PDCL2: variants seen among roughly 807,000 people sequenced by gnomAD.
PDCL2 encodes phosducin like 2, also known as phosducin-like protein 2.
A neutral mutation model predicts 30.3 loss-of-function variants in PDCL2; 23 were observed. The ratio of observed to expected loss-of-function variants is 0.76; its 90% CI spans 0.55 to 1.08. The LOEUF is 1.08. Among genes scored for constraint, PDCL2 ranks in the 50% least tolerant of loss-of-function variants. The pLI is 0.00. For missense variants in PDCL2, 243 were observed against 282.3 expected, an observed-to-expected ratio of 0.86 and a Z score of 1.00; for synonymous variants, 68 against 86.2, an observed-to-expected ratio of 0.79 and a Z score of 1.17.
At chr4:55,568,761 AG>A (rs1732333778) in intron 4 of PDCL2, among the ~76,000 whole-genome samples, 1 of 152,216 alleles carries the variant, frequency 6.6e-6, no homozygotes, top group South Asian at 2.1e-4. Flanking sequence ...TGTCTCTACC[AG>A]GAAGGGCAGG....
At chr4:55,590,497 T>TC (rs992715509) in intron 1 of PDCL2, among the ~76,000 whole-genome samples, 3 of 148,684 alleles carry the variant, frequency 2.0e-5, no homozygotes, top group African/African-American at 5.0e-5. Flanking sequence ...ATGAATTTTT[T>TC]CCCCCCCGAG....
chr4:55,588,008 T>C (rs74976553), intron 1 of PDCL2, among the ~76,000 whole-genome samples: 3,960 of 152,336 alleles, frequency 0.026, 185 homozygotes, highest in African/African-American at 0.09. Flanking sequence ...ATCTATCTTA[T>C]GTTTCCTTTT....
intron 1 of PDCL2, among the ~76,000 whole-genome samples, chr4:55,585,688 T>C (rs768070737): frequency 1.3e-5 from 2 of 152,234 alleles, no homozygotes; most frequent in Non-Finnish European, 2.9e-5. Context: ...TTTTCGTTGA[T>C]GGGAGCCTTT....
At chr4:55,591,517 G>T (rs534247463) in intron 1 of PDCL2, among the ~76,000 whole-genome samples, 31 of 152,318 alleles carry the variant, frequency 2.0e-4, no homozygotes, top group African/African-American at 7.5e-4. Flanking sequence ...CTCCCAGGTA[G>T]CTGGGGCTAC....
chr4:55,558,210 A>G (rs957839697), intron 5 of PDCL2, among the ~76,000 whole-genome samples: 1 of 152,076 alleles, frequency 6.6e-6, no homozygotes, highest in African/African-American at 2.4e-5. Flanking sequence ...AAGTAGACAC[A>G]TTCCTGATAT....
rs572298958 is a variant in PDCL2 at position 55,559,535 on chromosome 4, A to G, written c.572-2824T>C. Among the ~76,000 whole-genome samples the G allele has an allele frequency of 1.8e-4, 28 of 152,378 alleles. No homozygotes were observed. In the South Asian group the frequency reaches 5.8e-3, roughly 32 times the overall value. On this transcript the variant is annotated intron_variant, in intron 5 of 5. Transcript: ENST00000295645. ...TTTATTAAATACTTTCAATTTTGCA[A>G]TTAATTATTCCTTCTATTTCTATAG...
intron 2 of PDCL2, among the ~76,000 whole-genome samples, chr4:55,581,727 T>C (rs1177620417): frequency 6.6e-6 from 1 of 152,216 alleles, no homozygotes; most frequent in Non-Finnish European, 1.5e-5. Context: ...AGATGGAGTC[T>C]TGCTCTGTTG....
intron 1 of PDCL2, among the ~76,000 whole-genome samples, chr4:55,585,217 G>A (rs115663684): frequency 0.026 from 3,938 of 152,144 alleles, 179 homozygotes; most frequent in African/African-American, 0.09. Flanking sequence ...TGATGTCAAG[G>A]TAATGCTGAT....
intron 4 of PDCL2, among the ~76,000 whole-genome samples, chr4:55,567,523 G>A (rs1732301188): frequency 6.6e-6 from 1 of 152,176 alleles, no homozygotes; most frequent in South Asian, 2.1e-4. Context: ...GAAACACAGT[G>A]AGACCCTGTA....
chr4:55,564,595 A>G (rs1732214162), intron 4 of PDCL2, among the ~76,000 whole-genome samples: 1 of 152,216 alleles, frequency 6.6e-6, no homozygotes, highest in East Asian at 1.9e-4. Flanking sequence ...GGTAAGATTA[A>G]ATAAAACCAG....
rs184050716 is a variant in PDCL2 at position 55,579,414 on chromosome 4, C to T, written c.218+1407G>A. 2.0e-5 allele frequency among the ~76,000 whole-genome samples: 3 copies of T among 152,238 alleles called. No homozygotes were observed. In the East Asian group the frequency reaches 5.8e-4, roughly 30 times the overall value. On this transcript the variant is annotated intron_variant, in intron 3 of 5. Transcript: ENST00000295645. ...GCACGATCTTGGCTCACTGCAACCT[C>T]CACCTCCCAGGTTCAGCGATTCTCC...
At chr4:55,587,244 A>C (rs900421567) in intron 1 of PDCL2, among the ~76,000 whole-genome samples, 4 of 137,374 alleles carry the variant, frequency 2.9e-5, no homozygotes, top group Non-Finnish European at 6.4e-5. Flanking sequence ...AAAAAAAAAA[A>C]AAGGGACATA....
intron 4 of PDCL2, among the ~76,000 whole-genome samples, chr4:55,565,993 T>TC (rs1472135651): frequency 7.2e-6 from 1 of 139,762 alleles, no homozygotes; most frequent in African/African-American, 2.8e-5. Context: ...TTTTTTTTTT[T>TC]TTTTTGAGAT....
intron 3 of PDCL2, among the ~76,000 whole-genome samples, chr4:55,577,582 AC>A (rs1732604329): frequency 6.6e-6 from 1 of 152,210 alleles, no homozygotes; most frequent in African/African-American, 2.4e-5. Flanking sequence ...TCATAAGCAT[AC>A]CAAAGGTACT....
In PDCL2 at chr4:55,569,774, A is replaced by C; in HGVS notation, c.306T>G (p.Asn102Lys). 6.4e-7 allele frequency: 1 copy of C among 1,566,544 alleles called. No homozygotes were observed. The highest frequency in any genetic ancestry group is 1.2e-5 in the South Asian group (1 of 85,016). The change falls in exon 4 of 6, where the codon AAT becomes AAG. Residue 102 changes from asparagine (N) to lysine (K), a missense_variant. By Grantham distance (94) the Asn-to-Lys change is moderately conservative. Coordinates refer to ENST00000295645, the MANE Select transcript of PDCL2 (RefSeq NM_152401.3). Reference protein sequence around the residue: ...LREISGNQYVNEVTNAEEDVW... With the variant: ...LREISGNQYVKEVTNAEEDVW... ...CATCTTCTTCTGCATTTGTGACTTC[A>C]TTCACATACTGATTTCCAGAAATTT...
At chr4:55,565,973 GTTTTTTTTT>G (rs71194595) in intron 4 of PDCL2, among the ~76,000 whole-genome samples, 26 of 74,500 alleles carry the variant, frequency 3.5e-4, no homozygotes, top group East Asian at 1.4e-3. Context: ...CCATTTTTCT[GTTTTTTTTT>G]TTTTTTTTTT....
At chr4:55,559,412 G>A (rs755285385) in intron 5 of PDCL2, among the ~76,000 whole-genome samples, 1 of 152,182 alleles carries the variant, frequency 6.6e-6, no homozygotes, top group Admixed American at 6.5e-5. Flanking sequence ...AGGAGATAAA[G>A]TTATTGAATC....
chr4:55,577,890 T>TG (rs1319423960), intron 3 of PDCL2, among the ~76,000 whole-genome samples: 1 of 152,224 alleles, frequency 6.6e-6, no homozygotes, highest in East Asian at 1.9e-4. Context: ...TTCTTGTTTG[T>TG]GTATGCCTTG....
At chr4:55,566,755 GAA>G (rs1350810856) in intron 4 of PDCL2, among the ~76,000 whole-genome samples, 1 of 151,998 alleles carries the variant, frequency 6.6e-6, no homozygotes, top group African/African-American at 2.4e-5. Context: ...TTAATGTCCA[GAA>G]AACTAATATG....
Sources: gnomAD v4.1 joint callset for allele counts (sites outside exome capture counted in the v4.1 genomes callset) on GRCh38, gnomAD v4.1.1 for gene constraint, MANE v1.5 for transcripts, NCBI Gene and HGNC (gene_info 2026-07-23, HGNC 2026-07-21) for gene names.